The following CNTNAP2 variants were observed in gnomAD, a reference collection of about 807,000 sequenced individuals.
CNTNAP2 encodes contactin-associated protein-like 2.
In CNTNAP2, 98 loss-of-function variants were observed where a neutral mutation model predicts 155.2. The ratio of observed to expected loss-of-function variants is 0.63; its 90% CI spans 0.54 to 0.75. CNTNAP2 has a LOEUF of 0.75. Among genes scored for constraint, CNTNAP2 ranks in the 30% least tolerant of loss-of-function variants. The probability of loss-of-function intolerance (pLI) is 0.00; values close to 1 mark genes in which losing one functional copy is unlikely to be tolerated. For missense variants in CNTNAP2, 1,727 were observed against 1,688.1 expected (o/e 1.02, Z -0.40); for synonymous variants, 651 against 631.2 (o/e 1.03, Z -0.47).
intron 13 of CNTNAP2, among the ~76,000 whole-genome samples, chr7:147,798,955 T>A (rs1048806963): frequency 1.3e-5 from 2 of 152,188 alleles, no homozygotes; most frequent in African/African-American, 2.4e-5. Flanking sequence ...TCCAACTAGA[T>A]CGCAGGCAAA....
intron 1 of CNTNAP2, among the ~76,000 whole-genome samples, chr7:146,320,138 A>G (rs1800976865): frequency 6.6e-6 from 1 of 152,192 alleles, no homozygotes; most frequent in African/African-American, 2.4e-5. Flanking sequence ...AATGTTGATG[A>G]GGATTATATC....
Position 146,687,996 on chromosome 7 carries a change from G to A in CNTNAP2, c.98-86275G>A, listed in dbSNP as rs147932106. On this transcript the variant is annotated intron_variant, in intron 1 of 23. Transcript: ENST00000361727. ...GGGGATTATAATTTACAGCAAAGAA[G>A]GTGTAGGTGCAGAAACTTAATTTCT... is the stretch of plus-strand genomic sequence containing the variant. 1.6e-4 allele frequency among the ~76,000 whole-genome samples: 25 copies of A among 152,236 alleles called. 1 individual carries two copies. Among genetic ancestry groups the A allele is most frequent in the African/African-American group, 6.0e-4 (25 of 41,562 alleles).
At chr7:146,740,215 C>T (rs1480877145) in intron 1 of CNTNAP2, among the ~76,000 whole-genome samples, 2 of 148,798 alleles carry the variant, frequency 1.3e-5, no homozygotes, top group East Asian at 2.0e-4. Context: ...TTGTTTTCTG[C>T]TTGTTCAGTT....
chr7:146,650,623 C>T (rs1268390465), intron 1 of CNTNAP2, among the ~76,000 whole-genome samples: 6 of 151,906 alleles, frequency 3.9e-5, no homozygotes, highest in African/African-American at 1.2e-4. Context: ...CAAACCACCA[C>T]GCAGTTGTAT....
chr7:146,723,549 C>A (rs146322800), intron 1 of CNTNAP2, among the ~76,000 whole-genome samples: 1 of 152,188 alleles, frequency 6.6e-6, no homozygotes, highest in East Asian at 1.9e-4. Context: ...ATATATATAG[C>A]CAACGGTTAC....
intron 18 of CNTNAP2, among the ~76,000 whole-genome samples, chr7:148,176,526 C>T (rs534131950): frequency 1.3e-5 from 2 of 152,132 alleles, no homozygotes. Flanking sequence ...GCCCAGAGCC[C>T]TTTTTCAAAG....
chr7:147,725,482 T>C (rs1796625813), intron 13 of CNTNAP2, among the ~76,000 whole-genome samples: 1 of 152,074 alleles, frequency 6.6e-6, no homozygotes, highest in African/African-American at 2.4e-5. Flanking sequence ...AAGCCCTGCC[T>C]TGGGCAGGGA....
At chr7:146,253,257 A>T (rs1799784983) in intron 1 of CNTNAP2, among the ~76,000 whole-genome samples, 1 of 152,174 alleles carries the variant, frequency 6.6e-6, no homozygotes, top group Admixed American at 6.5e-5. Context: ...CTCCACTTGG[A>T]ATGGCTTTTC....
At chr7:147,075,786 C>T (rs960884468) in intron 4 of CNTNAP2, among the ~76,000 whole-genome samples, 5 of 152,074 alleles carry the variant, frequency 3.3e-5, no homozygotes, top group African/African-American at 1.2e-4. Context: ...CCCCCTTCCC[C>T]CTACCCCACG....
At chr7:148,257,586 G>A (rs902406686) in intron 20 of CNTNAP2, among the ~76,000 whole-genome samples, 1 of 152,174 alleles carries the variant, frequency 6.6e-6, no homozygotes, top group African/African-American at 2.4e-5. Context: ...CGCAGGGCTT[G>A]GCAATGTAGG....
At chr7:147,406,782 G>A (rs1237706097) in intron 10 of CNTNAP2, among the ~76,000 whole-genome samples, 1 of 152,190 alleles carries the variant, frequency 6.6e-6, no homozygotes, top group African/African-American at 2.4e-5. Context: ...TTTGAAAAAT[G>A]AGTCTGTAAT....
In CNTNAP2 at chr7:146,645,988, AGTCACATAT is replaced by A. The variant is rs1463527074; in HGVS notation, c.98-128277_98-128269del. On this transcript the variant is annotated intron_variant, in intron 1 of 23. Transcript: ENST00000361727. ...AAATTTCATATTAAGCTATGGGAAA[AGTCACATAT>A]GTCACTGTTACAGGTGACGAATTAC... Among the ~76,000 whole-genome samples, 4 of 152,194 alleles carry A rather than the reference AGTCACATAT, an allele frequency of 2.6e-5. No homozygotes were observed. The South Asian group carries it at 6.2e-4, about 24-fold the overall frequency.
intron 1 of CNTNAP2, among the ~76,000 whole-genome samples, chr7:146,537,668 C>G (rs1204522579): frequency 6.6e-6 from 1 of 152,022 alleles, no homozygotes; most frequent in Non-Finnish European, 1.5e-5. Context: ...AAATAAAGGA[C>G]TAAACAACTG....
At chr7:146,460,515 G>T (rs923114430) in intron 1 of CNTNAP2, among the ~76,000 whole-genome samples, 3 of 152,028 alleles carry the variant, frequency 2.0e-5, no homozygotes, top group Admixed American at 6.6e-5. Flanking sequence ...GCCAAGATAT[G>T]GAATCAACCC....
At chr7:147,269,870 T>C (rs192980784) in intron 8 of CNTNAP2, among the ~76,000 whole-genome samples, 2 of 152,168 alleles carry the variant, frequency 1.3e-5, no homozygotes, top group East Asian at 1.9e-4. Flanking sequence ...CTGGATATTA[T>C]GGTAAGACCA....
At chr7:147,950,777 C>T (rs1273520295) in intron 14 of CNTNAP2, among the ~76,000 whole-genome samples, 2 of 152,200 alleles carry the variant, frequency 1.3e-5, no homozygotes, top group African/African-American at 4.8e-5. Context: ...TTCCTAAAAG[C>T]AGGAGATAAA....
At chr7:148,261,979 GGAATTCCATT>G (rs1302668830) in intron 20 of CNTNAP2, among the ~76,000 whole-genome samples, 1 of 152,180 alleles carries the variant, frequency 6.6e-6, no homozygotes, top group Non-Finnish European at 1.5e-5. Flanking sequence ...AAATCTTTAA[GGAATTCCATT>G]GTTTATCATA....
intron 14 of CNTNAP2, among the ~76,000 whole-genome samples, chr7:147,910,810 C>T (rs1283577502): frequency 6.6e-6 from 1 of 152,140 alleles, no homozygotes; most frequent in African/African-American, 2.4e-5. Flanking sequence ...TGGTCCCGCC[C>T]TTAACATGTG....
rs202203208 is a variant in CNTNAP2, at chr7:147,775,243, T to A, written c.2099-128322T>A. 2.0e-3 allele frequency among the ~76,000 whole-genome samples: 220 copies of A among 111,148 alleles called. 14 individuals are homozygous for A. The highest frequency in any genetic ancestry group is 0.016 in the Admixed American group (123 of 7,634). 72.9% of individuals were successfully genotyped at this position (111,148 alleles called of 152,430 possible). A position where few individuals can be genotyped will look rare whatever the true frequency, so the allele number is the denominator to read the frequency against. ...ATACAAAAGAAATATATATATATAT[T>A]TATATATATATTTATAAATATATTT... On this transcript the variant is annotated intron_variant, in intron 13 of 23. Coordinates refer to ENST00000361727, the MANE Select transcript of CNTNAP2 (RefSeq NM_014141.6).
Sources: gnomAD v4.1 joint callset for allele counts (sites outside exome capture counted in the v4.1 genomes callset) on GRCh38, gnomAD v4.1.1 for gene constraint, MANE v1.5 for transcripts, NCBI Gene and HGNC (gene_info 2026-07-23, HGNC 2026-07-21) for gene names.